The following GUCY2F variants were observed in gnomAD, a reference collection of about 807,000 sequenced individuals.
The protein encoded by GUCY2F is retinal guanylyl cyclase 2.
Under a neutral mutation model 73.1 loss-of-function variants are expected in GUCY2F, and 61 were observed. That is an observed-to-expected ratio of 0.83 (90% CI 0.68 to 1.03). GUCY2F has a LOEUF of 1.03. GUCY2F is among the 50% of genes least tolerant of loss of function. The pLI is 0.00. For missense variants in GUCY2F, 912 were observed against 854.3 expected (o/e 1.07, Z -0.84); for synonymous variants, 331 against 307.8 (o/e 1.08, Z -0.79).
At chrX:109,430,182 T>G in intron 8 of GUCY2F, 125 bp downstream of exon 8, 1 of 508,197 alleles carries the variant, frequency 2.0e-6, no homozygotes, top group South Asian at 3.1e-5. Flanking sequence ...TACCAACCCA[T>G]TAGCAACCCT....
At chrX:109,413,951 CT>C (rs367594465) in intron 8 of GUCY2F, among the ~76,000 whole-genome samples, 101 of 103,710 alleles carry the variant, frequency 9.7e-4, no homozygotes, top group East Asian at 1.5e-3. Context: ...TTTCTTTCTT[CT>C]TTTTTTTTTT....
At chrX:109,465,049 C>T in intron 3 of GUCY2F, 93 bp downstream of exon 3, 1 of 625,085 alleles carries the variant, frequency 1.6e-6, no homozygotes, top group Non-Finnish European at 2.5e-6. Context: ...TTGACTGGGC[C>T]TCCTATGGAA....
chrX:109,410,148 T>C (rs899531147), intron 8 of GUCY2F, among the ~76,000 whole-genome samples: 1 of 112,083 alleles, frequency 8.9e-6, no homozygotes, highest in Non-Finnish European at 1.9e-5. Context: ...GGATAATAAA[T>C]TAGTGATGTT....
rs1932679322 is a variant in GUCY2F at position 109,475,760 on chromosome X, G to A, written c.177C>T (p.Gly59=). The A allele has an allele frequency of 3.3e-6, 4 of 1,210,458 alleles. No homozygotes were observed. Among genetic ancestry groups the A allele is most frequent in the Non-Finnish European group, 4.5e-6 (4 of 894,486 alleles). The stretch of plus-strand genomic sequence containing the variant: ...AAAACAGCGAATCACAAGCCCAAGG[G>A]CCCACCACCCCTATCTTGTAGGGGA... The part of the protein sequence containing the change: ...WTLPYKIGVV[G]PWACDSLFSK... Residue 59 remains glycine (G), a synonymous_variant, in exon 2 of 20, where the codon GGC becomes GGT. Coordinates refer to ENST00000218006, the MANE Select transcript of GUCY2F (RefSeq NM_001522.3).
At chrX:109,443,520 T>G (rs765782731) in intron 6 of GUCY2F, among the ~76,000 whole-genome samples, 1 of 111,572 alleles carries the variant, frequency 9.0e-6, no homozygotes, top group Non-Finnish European at 1.9e-5. Flanking sequence ...CCCTAGGTAC[T>G]TTGTTTACCT....
At chrX:109,420,289 G>A (rs1438613862) in intron 8 of GUCY2F, among the ~76,000 whole-genome samples, 1 of 102,246 alleles carries the variant, frequency 9.8e-6, no homozygotes, top group Non-Finnish European at 2.0e-5. Flanking sequence ...GGGAAAGAGA[G>A]AGAGAGAGAA....
chrX:109,413,851 G>A (rs1017271541), intron 8 of GUCY2F, among the ~76,000 whole-genome samples: 1 of 111,504 alleles, frequency 9.0e-6, no homozygotes, highest in African/African-American at 3.3e-5. Flanking sequence ...CCTAGAGGTG[G>A]GTATGTATAC....
chrX:109,416,154 C>T (rs1005488592), intron 8 of GUCY2F, among the ~76,000 whole-genome samples: 4 of 109,508 alleles, frequency 3.7e-5, no homozygotes, highest in African/African-American at 1.0e-4. Context: ...AACCAAAAAG[C>T]CTTAGATGTA....
intron 3 of GUCY2F, among the ~76,000 whole-genome samples, chrX:109,463,913 T>C (rs191406067): frequency 8.9e-6 from 1 of 112,132 alleles, no homozygotes; most frequent in African/African-American, 3.2e-5. Flanking sequence ...AAGATGAACA[T>C]GTTTCATTGA....
intron 19 of GUCY2F, among the ~76,000 whole-genome samples, chrX:109,373,392 G>A (rs954647195): frequency 1.8e-5 from 2 of 111,556 alleles, no homozygotes; most frequent in African/African-American, 6.5e-5. Flanking sequence ...TAACCCACAT[G>A]GAGCAGAGTT....
chrX:109,467,761 G>T (rs902681344), intron 2 of GUCY2F, among the ~76,000 whole-genome samples: 3 of 112,392 alleles, frequency 2.7e-5, no homozygotes, highest in African/African-American at 9.7e-5. Flanking sequence ...AACTTTCAGA[G>T]ATTTTGTGAG....
At chrX:109,403,925 A>G (rs1207566780) in intron 10 of GUCY2F, among the ~76,000 whole-genome samples, 1 of 112,229 alleles carries the variant, frequency 8.9e-6, no homozygotes, top group Non-Finnish European at 1.9e-5. Flanking sequence ...TCTGACAGAG[A>G]CTGTGCTGGT....
chrX:109,414,233 A>C (rs1452047222), intron 8 of GUCY2F, among the ~76,000 whole-genome samples: 1 of 111,873 alleles, frequency 8.9e-6, no homozygotes, highest in Admixed American at 9.4e-5. Context: ...CGGCCTCCCA[A>C]AGTGCTGGGA....
intron 7 of GUCY2F, among the ~76,000 whole-genome samples, chrX:109,437,694 G>A (rs1265026606): frequency 7.1e-5 from 8 of 112,761 alleles, no homozygotes. Flanking sequence ...TGGGGCCTGG[G>A]AGCAGGTATT....
chrX:109,417,774 A>G (rs1931279823), intron 8 of GUCY2F, among the ~76,000 whole-genome samples: 1 of 111,447 alleles, frequency 9.0e-6, no homozygotes, highest in Non-Finnish European at 1.9e-5. Flanking sequence ...AAAGACACAA[A>G]TGCATGGAAA....
At chrX:109,471,252 C>T (rs889317384) in intron 2 of GUCY2F, among the ~76,000 whole-genome samples, 8 of 111,694 alleles carry the variant, frequency 7.2e-5, no homozygotes, top group African/African-American at 2.0e-4. Flanking sequence ...TCCAACATCC[C>T]GGTAAGCCCA....
chrX:109,470,185 C>T (rs1932546459), intron 2 of GUCY2F, among the ~76,000 whole-genome samples: 1 of 111,863 alleles, frequency 8.9e-6, no homozygotes, highest in South Asian at 3.7e-4. Context: ...CATATGTTTC[C>T]TCCTGTTTTT....
intron 4 of GUCY2F, among the ~76,000 whole-genome samples, chrX:109,452,445 AAT>A (rs899340049): frequency 1.9e-4 from 21 of 112,058 alleles, no homozygotes. Flanking sequence ...CTTGAGAATA[AAT>A]ATGTTATCTC....
chrX:109,392,222 A>T (rs760994974), intron 13 of GUCY2F, 119 bp from the exon 14 acceptor site: 8 of 502,626 alleles, frequency 1.6e-5, no homozygotes, highest in Admixed American at 7.3e-5. Context: ...GATGAGGAAG[A>T]AAGTGTTACA....
Sources: allele counts gnomAD v4.1 joint callset (sites outside exome capture counted in the v4.1 genomes callset), GRCh38; gene constraint gnomAD v4.1.1; transcripts MANE v1.5; gene names NCBI Gene and HGNC (gene_info 2026-07-23, HGNC 2026-07-21).